The following NUP214 variants were observed in gnomAD, a reference collection of about 807,000 sequenced individuals.
NUP214 encodes the protein nucleoporin 214, also known as nuclear pore complex protein Nup214.
NUP214 carries 79 observed loss-of-function variants against 196.2 expected under a neutral mutation model. The observed-to-expected ratio is 0.40, with a 90% confidence interval of 0.34 to 0.49. The LOEUF is 0.49. Ranked by LOEUF, NUP214 falls within the 20% of genes least tolerant of loss-of-function variation. The pLI, the probability that NUP214 is intolerant of heterozygous loss-of-function variation, is 0.58. For synonymous variants in NUP214, 1,020 were observed against 990.5 expected (o/e 1.03, Z -0.56); for missense variants, 2,468 against 2,539.0 (o/e 0.97, Z 0.60).
In NUP214 at chr9:131,204,808, G is replaced by A. The variant is rs143045390; in HGVS notation, c.5592+3091G>A. Among the ~76,000 whole-genome samples, 555 of 152,228 alleles carry A rather than the reference G, an allele frequency of 3.6e-3. 5 individuals carry two copies. Among genetic ancestry groups the A allele is most frequent in the African/African-American group, 0.013 (528 of 41,540 alleles). ...TTCAGAAGCCCAACAAGTGCCAAAC[G>A]AGAATGCATAAAAGGAAACTGATTC... is the stretch of plus-strand genomic sequence containing the variant. On this transcript the variant is annotated intron_variant, in intron 30 of 35. Coordinates refer to ENST00000359428, the MANE Select transcript of NUP214 (RefSeq NM_005085.4).
intron 24 of NUP214, among the ~76,000 whole-genome samples, chr9:131,179,603 G>A (rs553579106): frequency 3.3e-5 from 5 of 152,258 alleles, no homozygotes; most frequent in East Asian, 1.9e-4. Context: ...TCTCCACAGC[G>A]TGCCCACCCT....
chr9:131,164,351 A>G, intron 21 of NUP214: 1 of 573,430 alleles, frequency 1.7e-6, no homozygotes, highest in South Asian at 2.2e-5. Context: ...GAACCAGCTT[A>G]TATATACTTG....
chr9:131,168,582 C>T (rs148931720), intron 21 of NUP214, among the ~76,000 whole-genome samples: 1 of 152,270 alleles, frequency 6.6e-6, no homozygotes, highest in African/African-American at 2.4e-5. Flanking sequence ...AAAGAAATTG[C>T]ATATATTATG....
chr9:131,210,837 G>C (rs1834221494), intron 30 of NUP214, among the ~76,000 whole-genome samples: 1 of 152,140 alleles, frequency 6.6e-6, no homozygotes, highest in South Asian at 2.1e-4. Flanking sequence ...AACAATATCA[G>C]GCAGTCCAAT....
intron 30 of NUP214, among the ~76,000 whole-genome samples, chr9:131,205,075 T>C (rs1464894966): frequency 6.6e-6 from 1 of 152,160 alleles, no homozygotes; most frequent in Admixed American, 6.5e-5. Flanking sequence ...AATTTATGTC[T>C]AGCAGACCTG....
At chr9:131,168,175 C>G (rs918773595) in intron 21 of NUP214, among the ~76,000 whole-genome samples, 7 of 152,226 alleles carry the variant, frequency 4.6e-5, no homozygotes, top group African/African-American at 1.4e-4. Context: ...CAGATGTGAG[C>G]AACTGTGCCC....
At chr9:131,178,250 C>A in intron 23 of NUP214, 61 bp from the exon 24 acceptor site, 1 of 1,353,146 alleles carries the variant, frequency 7.4e-7, no homozygotes, top group Non-Finnish European at 1.1e-6. Flanking sequence ...TTATATGTGG[C>A]TAGAACTTTT....
In NUP214 at chr9:131,197,757, C is replaced by G. The variant is rs778211365; in HGVS notation, c.4263C>G (p.Ser1421=). The G allele has an allele frequency of 3.7e-6, 6 of 1,614,220 alleles. No individual in the cohort carries two copies. The highest frequency in any genetic ancestry group is 5.1e-6 in the Non-Finnish European group (6 of 1,180,044). The change falls in exon 29 of 36, where the codon TCC becomes TCG. Residue 1421 remains serine (S), a synonymous_variant. Coordinates refer to ENST00000359428, the MANE Select transcript of NUP214 (RefSeq NM_005085.4). ...GTCTGCCAGTCACCAGTGCAGGATCCTCTGGGGTCATCAGTTTTGGTGGGA... is the reference window on the plus strand; with the variant it reads ...GTCTGCCAGTCACCAGTGCAGGATCGTCTGGGGTCATCAGTTTTGGTGGGA... ...FGSLPVTSAG[S]SGVISFGGTS...
At chr9:131,187,634 G>C (rs1183191387) in intron 25 of NUP214, among the ~76,000 whole-genome samples, 1 of 152,190 alleles carries the variant, frequency 6.6e-6, no homozygotes, top group Non-Finnish European at 1.5e-5. Context: ...TGATCCATCT[G>C]CCTCGGCCTC....
intron 12 of NUP214, among the ~76,000 whole-genome samples, chr9:131,145,286 C>T (rs1832056580): frequency 6.6e-6 from 1 of 152,096 alleles, no homozygotes; most frequent in African/African-American, 2.4e-5. Context: ...GGTCGGGCAG[C>T]TCACTCATTT....
chr9:131,150,297 T>C lies in NUP214; in HGVS notation c.2041-27T>C, dbSNP rs1245846185. The C allele has an allele frequency of 1.2e-5, 19 of 1,609,080 alleles. 1 individual carries two copies. The Admixed American group carries it at 2.5e-4, about 21-fold the overall frequency. On this transcript the variant is annotated intron_variant, in intron 14 of 35. Coordinates refer to ENST00000359428, the MANE Select transcript of NUP214 (RefSeq NM_005085.4). ...TGCTTGTAGAAGCTATGACTTGCAG[T>C]TTTTAAACCTTTTCCTTCCATTTCA...
Position 131,176,823 on chromosome 9 carries a change from T to C in NUP214, c.3319+1202T>C, listed in dbSNP as rs115051392. ...CAAGGACTTCAGTTATCACTAGTTA[T>C]CAGTTTTATAAGCTAGTAGTTCTCA... On this transcript the variant is annotated intron_variant, in intron 23 of 35. Transcript: ENST00000359428. 7.9e-3 allele frequency among the ~76,000 whole-genome samples: 1,201 copies of C among 152,300 alleles called. 18 individuals carry two copies. Among genetic ancestry groups the C allele is most frequent in the African/African-American group, 0.019 (794 of 41,548 alleles).
rs1834899072 is a variant in NUP214 at position 131,232,198 on chromosome 9, AGAG to A, written c.6215-81_6215-79del. On this transcript the variant is annotated intron_variant, in intron 34 of 35. Coordinates refer to ENST00000359428, the MANE Select transcript of NUP214 (RefSeq NM_005085.4). This position sits in a 1 kb window ranked among gnomAD's most constrained non-coding sequence, Gnocchi z 5.1. ...ACGGAGGGCTTCCCACAAGAAGCACAGAGGAGGGCAGACACTTAGCATGGGGAC... is the reference window on the plus strand; with the variant it reads ...ACGGAGGGCTTCCCACAAGAAGCACAGAGGGCAGACACTTAGCATGGGGAC... The A allele has an allele frequency of 2.8e-6, 4 of 1,438,880 alleles. No individual in the cohort carries two copies. The highest frequency in any genetic ancestry group is 1.7e-5 in the Admixed American group (1 of 59,728). 89.1% of individuals were successfully genotyped at this position (1,438,880 alleles called of 1,614,324 possible).
chr9:131,195,082 G>A, intron 27 of NUP214, 151 bp from the exon 28 acceptor site: 1 of 598,498 alleles, frequency 1.7e-6, no homozygotes, highest in Non-Finnish European at 3.0e-6. Context: ...TACTGCTTCT[G>A]AGATAGGTGC....
At chr9:131,161,938 T>C (rs1832650511) in intron 18 of NUP214, among the ~76,000 whole-genome samples, 1 of 152,236 alleles carries the variant, frequency 6.6e-6, no homozygotes. Flanking sequence ...GCAGGCTTCA[T>C]GTGGCCCAGG....
At chr9:131,138,294 C>T (rs1831803136) in intron 9 of NUP214, among the ~76,000 whole-genome samples, 1 of 147,828 alleles carries the variant, frequency 6.8e-6, no homozygotes, top group South Asian at 2.2e-4. Context: ...TCTCGGCTCA[C>T]TGCAACCTCT....
rs574977142 is a variant in NUP214 at position 131,223,827 on chromosome 9, T to C, written c.5902+897T>C. Among the ~76,000 whole-genome samples the C allele has an allele frequency of 1.0e-4, 15 of 145,362 alleles. No individual in the cohort carries two copies. The East Asian group carries it at 2.3e-3, about 23-fold the overall frequency. ...TCGGCTCACTGCAAGCTCTGCCTCCTGGGTTCACGCCATTCTCCTGCGTCA... is the reference window on the plus strand; with the variant it reads ...TCGGCTCACTGCAAGCTCTGCCTCCCGGGTTCACGCCATTCTCCTGCGTCA... On this transcript the variant is annotated intron_variant, in intron 32 of 35. Transcript: ENST00000359428.
intron 32 of NUP214, 35 bp from the exon 33 acceptor site, chr9:131,228,125 C>T (rs773968214): frequency 1.3e-6 from 2 of 1,521,272 alleles, no homozygotes; most frequent in Non-Finnish European, 1.8e-6. Context: ...CTTTCTTTCT[C>T]CCTATTTCTG....
chr9:131,125,989 G>A lies in NUP214; in HGVS notation c.45+240G>A, dbSNP rs935490671. 1.5e-4 allele frequency: 81 copies of A among 558,032 alleles called. No homozygotes were observed. The highest frequency in any genetic ancestry group is 9.1e-4 in the Admixed American group (26 of 28,578). The allele number at this position is 558,032 out of a possible 1,614,324, so 34.6% of individuals were successfully genotyped here. On this transcript the variant is annotated intron_variant, in intron 1 of 35. Coordinates refer to ENST00000359428, the MANE Select transcript of NUP214 (RefSeq NM_005085.4). This position sits in a 1 kb window ranked among gnomAD's most constrained non-coding sequence, Gnocchi z 4.1. The stretch of plus-strand genomic sequence containing the variant: ...AGTTACCCTAGCTACTTCCTGGGGC[G>A]GTCACAATAGTGGCAATAACTGCTG...
Sources: allele counts gnomAD v4.1 joint callset (sites outside exome capture counted in the v4.1 genomes callset), GRCh38; gene constraint gnomAD v4.1.1; non-coding constraint Gnocchi (gnomAD v3.1); transcripts MANE v1.5; gene names NCBI Gene and HGNC (gene_info 2026-07-23, HGNC 2026-07-21).